STXBP5L: variants seen among roughly 807,000 people sequenced by gnomAD.
STXBP5L encodes syntaxin-binding protein 5-like.
Under a neutral mutation model 144.5 loss-of-function variants are expected in STXBP5L, and 65 were observed. That is an observed-to-expected ratio of 0.45 (90% confidence interval 0.37 to 0.55). The LOEUF (loss-of-function observed/expected upper bound fraction) is 0.55. Among genes scored for constraint, STXBP5L ranks in the 20% least tolerant of loss-of-function variants. The probability of loss-of-function intolerance (pLI) is 0.00; values close to 1 mark genes in which losing one functional copy is unlikely to be tolerated. For synonymous variants in STXBP5L, 505 were observed against 469.6 expected (o/e 1.08, Z -0.97); for missense variants, 1,298 against 1,405.5 (o/e 0.92, Z 1.22).
At chr3:121,295,204 G>A (rs1212591644) in intron 19 of STXBP5L, among the ~76,000 whole-genome samples, 2 of 151,826 alleles carry the variant, frequency 1.3e-5, no homozygotes, top group Non-Finnish European at 2.9e-5. Context: ...GATAACTAAA[G>A]GAAAAAAATT....
chr3:121,194,167 C>A (rs1210999232), intron 9 of STXBP5L, among the ~76,000 whole-genome samples: 1 of 152,064 alleles, frequency 6.6e-6, no homozygotes, highest in Non-Finnish European at 1.5e-5. Context: ...AAACCACGTA[C>A]CTATTACCAG....
intron 5 of STXBP5L, among the ~76,000 whole-genome samples, chr3:121,113,901 T>G (rs996791224): frequency 3.3e-5 from 5 of 152,148 alleles, no homozygotes; most frequent in Middle Eastern, 3.4e-3. Context: ...CTTGATCTCT[T>G]GACCTCATGA....
chr3:121,343,639 C>A (rs1168985026), intron 20 of STXBP5L, among the ~76,000 whole-genome samples: 1 of 152,038 alleles, frequency 6.6e-6, no homozygotes, highest in Non-Finnish European at 1.5e-5. Context: ...GAGTGAACAC[C>A]CATTCACAAT....
chr3:121,029,580 A>G (rs1464372028), intron 3 of STXBP5L, among the ~76,000 whole-genome samples: 3 of 152,274 alleles, frequency 2.0e-5, no homozygotes, highest in East Asian at 1.9e-4. Context: ...TGAAAACCCT[A>G]GAGGAAAACC....
intron 7 of STXBP5L, among the ~76,000 whole-genome samples, chr3:121,138,191 A>G (rs566131049): frequency 7.2e-5 from 11 of 152,070 alleles, no homozygotes; most frequent in African/African-American, 2.2e-4. Flanking sequence ...AAAAACTGGG[A>G]ATAAATTTAA....
At chr3:121,262,529 C>T (rs1056650553) in intron 18 of STXBP5L, among the ~76,000 whole-genome samples, 1 of 152,046 alleles carries the variant, frequency 6.6e-6, no homozygotes, top group African/African-American at 2.4e-5. Flanking sequence ...ACTAGGGATA[C>T]TGAGAATCGC....
chr3:121,049,712 G>A (rs1279613432), intron 5 of STXBP5L: 3 of 154,140 alleles, frequency 1.9e-5, no homozygotes, highest in Admixed American at 1.3e-4. Context: ...AGGTCTACTG[G>A]GCCTAGTTAC....
At chr3:121,038,637 G>T (rs1007066308) in intron 3 of STXBP5L, among the ~76,000 whole-genome samples, 1 of 151,800 alleles carries the variant, frequency 6.6e-6, no homozygotes, top group Non-Finnish European at 1.5e-5. Flanking sequence ...TTTTACTTAT[G>T]TCTTCTTCAT....
At position 121,317,068 on chromosome 3, in the gene STXBP5L, C is replaced by T. The variant is rs576580899; in HGVS notation, c.2111-1407C>T. Among the ~76,000 whole-genome samples, 7 of 152,064 alleles carry T rather than the reference C, an allele frequency of 4.6e-5. No individual in the cohort carries two copies. The South Asian group carries it at 1.0e-3, about 23-fold the overall frequency. On this transcript the variant is annotated intron_variant, in intron 19 of 26. Transcript: ENST00000471454. ...TAATTTGTATATCTAGGGTTAAGAC[C>T]GTGTTCGACATAGTTTAGTTTGATG...
intron 18 of STXBP5L, among the ~76,000 whole-genome samples, chr3:121,262,077 T>C (rs1210656058): frequency 6.6e-6 from 1 of 152,104 alleles, no homozygotes; most frequent in Non-Finnish European, 1.5e-5. Context: ...TATGAGAAAA[T>C]GAATTCCATT....
At chr3:121,336,921 T>C (rs915520382) in intron 20 of STXBP5L, among the ~76,000 whole-genome samples, 1 of 152,012 alleles carries the variant, frequency 6.6e-6, no homozygotes, top group Admixed American at 6.6e-5. Flanking sequence ...CACACAGCCA[T>C]AAAAAAGAAT....
At chr3:121,191,981 G>A (rs1319236383) in intron 9 of STXBP5L, among the ~76,000 whole-genome samples, 1 of 152,100 alleles carries the variant, frequency 6.6e-6, no homozygotes, top group East Asian at 1.9e-4. Context: ...AGCATTGGGA[G>A]ATATACCTAA....
At chr3:120,926,017 T>C (rs1382385859) in intron 2 of STXBP5L, among the ~76,000 whole-genome samples, 9 of 152,352 alleles carry the variant, frequency 5.9e-5, no homozygotes, top group African/African-American at 1.9e-4. Flanking sequence ...TGCTTATCTC[T>C]TAACGGATTG....
At chr3:120,947,512 A>G (rs899908103) in intron 2 of STXBP5L, among the ~76,000 whole-genome samples, 4 of 151,860 alleles carry the variant, frequency 2.6e-5, no homozygotes, top group African/African-American at 9.7e-5. Context: ...TGTACATTTC[A>G]GTGGTGTTTG....
intron 5 of STXBP5L, among the ~76,000 whole-genome samples, chr3:121,062,352 G>A (rs1473873406): frequency 6.6e-6 from 1 of 152,196 alleles, no homozygotes; most frequent in East Asian, 1.9e-4. Flanking sequence ...GGTTTCTGCA[G>A]AGAGATCTGC....
chr3:121,047,586 G>A (rs1048745084), intron 5 of STXBP5L, among the ~76,000 whole-genome samples: 13 of 152,140 alleles, frequency 8.5e-5, no homozygotes, highest in African/African-American at 2.7e-4. Flanking sequence ...TTGTTGAATT[G>A]AACCCTTTAC....
chr3:121,362,250 A>C (rs902193692), intron 20 of STXBP5L, among the ~76,000 whole-genome samples: 1 of 152,190 alleles, frequency 6.6e-6, no homozygotes, highest in African/African-American at 2.4e-5. Context: ...TTAGTGTAGC[A>C]CTGGGTCTCA....
chr3:121,222,867 T>C, intron 10 of STXBP5L, 136 bp from the exon 11 acceptor site: 1 of 851,124 alleles, frequency 1.2e-6, no homozygotes, highest in Non-Finnish European at 1.7e-6. Flanking sequence ...AATGAGAAAT[T>C]TTGAGCCGGG....
intron 5 of STXBP5L, among the ~76,000 whole-genome samples, chr3:121,071,083 G>A (rs186376531): frequency 6.6e-6 from 1 of 152,038 alleles, no homozygotes; most frequent in Admixed American, 6.6e-5. Context: ...TCTGGACCAG[G>A]CTTCTATCAT....
Sources: allele counts gnomAD v4.1 joint callset (sites outside exome capture counted in the v4.1 genomes callset), GRCh38; gene constraint gnomAD v4.1.1; transcripts MANE v1.5; gene names NCBI Gene and HGNC (gene_info 2026-07-23, HGNC 2026-07-21).